Variants in MCC observed in about 807,000 individuals in gnomAD.
MCC encodes colorectal mutant cancer protein.
Under a neutral mutation model 116.2 loss-of-function variants are expected in MCC, and 90 were observed. That is an observed-to-expected ratio of 0.77 (90% CI 0.65 to 0.92). The LOEUF is 0.92. Among genes scored for constraint, MCC ranks in the 40% least tolerant of loss-of-function variants. The pLI is 0.00. For synonymous variants in MCC, 578 were observed against 510.5 expected (o/e 1.13, Z -1.78); for missense variants, 1,516 against 1,312.2 (o/e 1.16, Z -2.40).
intron 3 of MCC, among the ~76,000 whole-genome samples, chr5:113,152,168 G>C (rs1224738901): frequency 6.6e-6 from 1 of 152,198 alleles, no homozygotes; most frequent in East Asian, 1.9e-4. Flanking sequence ...GAGTTAGAAA[G>C]AATGTTCTTC....
chr5:113,394,528 A>G (rs777304343), intron 1 of MCC, among the ~76,000 whole-genome samples: 7 of 152,190 alleles, frequency 4.6e-5, no homozygotes, highest in Non-Finnish European at 1.0e-4. Context: ...CCTTCATTCC[A>G]GCCACCAAAT....
At position 113,036,524 on chromosome 5, in the gene MCC, G is replaced by C. The variant is rs151302737; in HGVS notation, c.2756+7006C>G. 3.7e-3 allele frequency among the ~76,000 whole-genome samples: 559 copies of C among 152,330 alleles called. 7 individuals carry two copies. Among genetic ancestry groups the C allele is most frequent in the African/African-American group, 0.012 (504 of 41,580 alleles). On this transcript the variant is annotated intron_variant, in intron 17 of 18. Coordinates refer to ENST00000408903, the MANE Select transcript of MCC (RefSeq NM_001085377.2). ...GCAGCCCTGCAGAACTAAGGCTCAA[G>C]TGTCCCCAGATAATGAGGTTCTGCA...
intron 14 of MCC, among the ~76,000 whole-genome samples, chr5:113,056,069 C>T (rs982494324): frequency 1.3e-4 from 20 of 152,162 alleles, no homozygotes; most frequent in African/African-American, 3.4e-4. Context: ...ATCAAGAGAT[C>T]GATCTTGATC....
intron 3 of MCC, among the ~76,000 whole-genome samples, chr5:113,153,764 C>G (rs1470982247): frequency 6.6e-6 from 1 of 152,218 alleles, no homozygotes; most frequent in African/African-American, 2.4e-5. Context: ...TGTGACCCCA[C>G]ATCAGTTTCA....
At chr5:113,130,804 G>A (rs1758378553) in intron 5 of MCC, among the ~76,000 whole-genome samples, 1 of 152,184 alleles carries the variant, frequency 6.6e-6, no homozygotes, top group South Asian at 2.1e-4. Context: ...ACCAGAAGCA[G>A]ATGCCAGTGC....
At chr5:113,374,223 T>C (rs571682463) in intron 2 of MCC, among the ~76,000 whole-genome samples, 2 of 151,888 alleles carry the variant, frequency 1.3e-5, no homozygotes, top group Non-Finnish European at 2.9e-5. Flanking sequence ...TTTTGTTTTT[T>C]TTTTTAATAG....
chr5:113,166,234 C>G (rs1283825174), intron 3 of MCC, among the ~76,000 whole-genome samples: 1 of 152,142 alleles, frequency 6.6e-6, no homozygotes, highest in Non-Finnish European at 1.5e-5. Context: ...AGGAATGATA[C>G]ATTTCCAACC....
At chr5:113,294,462 C>T (rs1766642523) in intron 3 of MCC, 37 of 1,607,806 alleles carry the variant, frequency 2.3e-5, no homozygotes, top group Admixed American at 5.0e-5. Flanking sequence ...GCTCAATATC[C>T]ACTGCTTGGT....
At chr5:113,055,547 C>A (rs985632155) in intron 14 of MCC, among the ~76,000 whole-genome samples, 9 of 152,190 alleles carry the variant, frequency 5.9e-5, no homozygotes, top group South Asian at 2.1e-4. Flanking sequence ...AGTCAGAGAA[C>A]CCCTTCTAGA....
chr5:113,170,934 G>A (rs1044109657), intron 3 of MCC, among the ~76,000 whole-genome samples: 1 of 152,056 alleles, frequency 6.6e-6, no homozygotes, highest in African/African-American at 2.4e-5. Context: ...CCCACACTGG[G>A]CGTTCTGCAT....
At chr5:113,104,041 C>T (rs1235983908) in intron 7 of MCC, 151 bp downstream of exon 7, 5 of 704,290 alleles carry the variant, frequency 7.1e-6, no homozygotes, top group East Asian at 3.1e-5. Flanking sequence ...CTAGAGCCCC[C>T]GCTTCTACAC....
intron 11 of MCC, among the ~76,000 whole-genome samples, chr5:113,079,412 A>G (rs1026353084): frequency 2.0e-5 from 3 of 152,364 alleles, no homozygotes; most frequent in Admixed American, 6.5e-5. Flanking sequence ...AAACTATACT[A>G]CAAGGCCACA....
At chr5:113,111,601 G>C (rs1017926409) in intron 6 of MCC, among the ~76,000 whole-genome samples, 4 of 152,302 alleles carry the variant, frequency 2.6e-5, no homozygotes, top group African/African-American at 7.2e-5. Context: ...AATATTAGAA[G>C]TGCTTTGGGT....
chr5:113,149,823 C>T (rs147456093), intron 4 of MCC, among the ~76,000 whole-genome samples: 121 of 152,304 alleles, frequency 7.9e-4, no homozygotes, highest in African/African-American at 2.8e-3. Context: ...AAACCAACAT[C>T]ATCCATAAGA....
intron 1 of MCC, among the ~76,000 whole-genome samples, chr5:113,455,481 A>T (rs2150422273): frequency 6.6e-6 from 1 of 152,282 alleles, no homozygotes; most frequent in South Asian, 2.1e-4. Flanking sequence ...TGTAACAACT[A>T]ACAGCTTATC....
At chr5:113,079,061 T>G (rs1310969665) in intron 11 of MCC, among the ~76,000 whole-genome samples, 1 of 152,186 alleles carries the variant, frequency 6.6e-6, no homozygotes, top group East Asian at 1.9e-4. Flanking sequence ...CATTCACAAC[T>G]GATTCAAAGA....
chr5:113,458,085 T>C (rs892036887), intron 1 of MCC, among the ~76,000 whole-genome samples: 2 of 152,130 alleles, frequency 1.3e-5, no homozygotes, highest in Non-Finnish European at 2.9e-5. Context: ...CAGCGGGATG[T>C]GGGTGGGGCC....
chr5:113,078,964 C>G (rs1466891576), intron 11 of MCC, among the ~76,000 whole-genome samples: 1 of 152,208 alleles, frequency 6.6e-6, no homozygotes, highest in East Asian at 1.9e-4. Flanking sequence ...AGAAAAGTCT[C>G]AGGATACAAA....
chr5:113,122,598 T>C lies in MCC; in HGVS notation c.1027+86A>G, dbSNP rs1757798071. The C allele has an allele frequency of 2.7e-6, 4 of 1,508,824 alleles. No individual in the cohort carries two copies. The African/African-American group carries it at 5.6e-5, about 21-fold the overall frequency. 93.5% of individuals were successfully genotyped at this position (1,508,824 alleles called of 1,614,324 possible). ...GCAAACCCCTTGAAAAATTAAATTT[T>C]AATTCAGGCTGCCTCACATTTCTAA... On this transcript the variant is annotated intron_variant, in intron 6 of 18. Transcript: ENST00000408903.
Sources: allele counts gnomAD v4.1 joint callset (sites outside exome capture counted in the v4.1 genomes callset), GRCh38; gene constraint gnomAD v4.1.1; transcripts MANE v1.5; gene names NCBI Gene and HGNC (gene_info 2026-07-23, HGNC 2026-07-21).